NEK11: variants seen among roughly 807,000 people sequenced by gnomAD.
The protein encoded by NEK11 is serine/threonine-protein kinase Nek11.
NEK11 carries 72 observed loss-of-function variants against 80.7 expected under a neutral mutation model. That is an observed-to-expected ratio of 0.89 (90% CI 0.74 to 1.08). The LOEUF (loss-of-function observed/expected upper bound fraction) is 1.08. NEK11 is among the 50% of genes least tolerant of loss of function. The pLI, the probability that NEK11 is intolerant of heterozygous loss-of-function variation, is 0.00. For missense variants in NEK11, 764 were observed against 763.6 expected (o/e 1.00, Z -0.01); for synonymous variants, 251 against 260.7 (o/e 0.96, Z 0.36).
At chr3:131,080,699 A>G in intron 4 of NEK11, 111 bp downstream of exon 4, 3 of 883,470 alleles carry the variant, frequency 3.4e-6, no homozygotes, top group Non-Finnish European at 5.0e-6. Context: ...ATTGAACTGT[A>G]AAGACCTGGG....
At chr3:131,108,246 A>C (rs2079507249) in intron 4 of NEK11, among the ~76,000 whole-genome samples, 1 of 152,148 alleles carries the variant, frequency 6.6e-6, no homozygotes, top group Non-Finnish European at 1.5e-5. Flanking sequence ...AGTTGACCTC[A>C]TATTGTTTCA....
At chr3:131,072,476 TG>T (rs1188353580) in intron 3 of NEK11, 1 of 152,082 alleles carries the variant, frequency 6.6e-6, no homozygotes, top group Non-Finnish European at 1.5e-5. Flanking sequence ...GATGACTGTG[TG>T]GGGTAGGCAG....
chr3:131,311,115 CA>C (rs1263393073), intron 17 of NEK11, among the ~76,000 whole-genome samples: 1 of 151,712 alleles, frequency 6.6e-6, no homozygotes, highest in Non-Finnish European at 1.5e-5. Context: ...CACTTTTTTT[CA>C]AAAAGTTTTT....
intron 17 of NEK11, among the ~76,000 whole-genome samples, chr3:131,285,981 G>A (rs1314849635): frequency 2.0e-5 from 3 of 152,172 alleles, no homozygotes; most frequent in African/African-American, 7.2e-5. Context: ...CAGAGCCTCA[G>A]TTTCTTCACC....
intron 4 of NEK11, among the ~76,000 whole-genome samples, chr3:131,101,084 T>A (rs1311347974): frequency 6.6e-6 from 1 of 152,168 alleles, no homozygotes; most frequent in Non-Finnish European, 1.5e-5. Context: ...GGTTGTAATA[T>A]CATCTTTGTC....
intron 15 of NEK11, among the ~76,000 whole-genome samples, chr3:131,230,136 C>T (rs931823889): frequency 7.0e-6 from 1 of 142,942 alleles, no homozygotes; most frequent in African/African-American, 2.6e-5. Flanking sequence ...AAGCATCAAG[C>T]GGTAAAATTT....
intron 14 of NEK11, among the ~76,000 whole-genome samples, chr3:131,180,145 A>C (rs2093267921): frequency 6.6e-6 from 1 of 152,170 alleles, no homozygotes; most frequent in Non-Finnish European, 1.5e-5. Flanking sequence ...ACACCCACAC[A>C]TAAATTCTTC....
chr3:131,164,936 G>A (rs1031987603), intron 11 of NEK11, among the ~76,000 whole-genome samples: 2 of 152,150 alleles, frequency 1.3e-5, no homozygotes, highest in African/African-American at 2.4e-5. Flanking sequence ...GTAGCAGGTC[G>A]CTTAAACTCA....
intron 14 of NEK11, among the ~76,000 whole-genome samples, chr3:131,181,621 C>T (rs1404366507): frequency 6.6e-6 from 1 of 151,802 alleles, no homozygotes; most frequent in Non-Finnish European, 1.5e-5. Flanking sequence ...TGGCGGGCGC[C>T]TGTAGTCCCA....
intron 4 of NEK11, among the ~76,000 whole-genome samples, chr3:131,083,991 C>T (rs1279889682): frequency 6.6e-6 from 1 of 152,148 alleles, no homozygotes; most frequent in African/African-American, 2.4e-5. Flanking sequence ...AATGCCCTTC[C>T]TCCTAGTCCC....
rs754350317 is a variant in NEK11, at chr3:131,152,480, G to A, written c.740G>A (p.Gly247Asp). ...TCCATTGTTTTAAAAATTGTTGAAG[G>A]TGACACACCTTCTCTCCCTGAGAGA... is the stretch of plus-strand genomic sequence containing the variant. ...FLSIVLKIVEGDTPSLPERYP... is the reference protein window; with the variant it reads ...FLSIVLKIVEDDTPSLPERYP... Residue 247 changes from glycine (G) to aspartate (D), a missense_variant, in exon 8 of 18, where the codon GGT becomes GAT. Transcript: ENST00000383366. 2.2e-5 allele frequency: 35 copies of A among 1,613,890 alleles called. No homozygotes were observed. The East Asian group carries it at 7.1e-4, about 33-fold the overall frequency.
chr3:131,115,926 CTT>C (rs1192715070), intron 5 of NEK11, among the ~76,000 whole-genome samples: 1 of 105,666 alleles, frequency 9.5e-6, no homozygotes, highest in South Asian at 3.3e-4. Flanking sequence ...TTCTTTCTTT[CTT>C]TCTTTCTTTC....
chr3:131,336,859 T>A (rs1188382795), intron 17 of NEK11, among the ~76,000 whole-genome samples: 2 of 152,036 alleles, frequency 1.3e-5, no homozygotes, highest in Non-Finnish European at 2.9e-5. Context: ...AAGACACATG[T>A]AAAAATGCTC....
intron 17 of NEK11, among the ~76,000 whole-genome samples, chr3:131,333,340 A>G (rs1305709347): frequency 6.6e-6 from 1 of 152,240 alleles, no homozygotes; most frequent in Non-Finnish European, 1.5e-5. Context: ...AGAATTTTCA[A>G]CCCAGAATTT....
intron 6 of NEK11, chr3:131,133,263 TCTC>T: frequency 8.8e-6 from 4 of 455,670 alleles, no homozygotes; most frequent in South Asian, 6.2e-5. Context: ...GAACTGTACC[TCTC>T]CTCATAACAG....
rs551640663 is a variant in NEK11, at chr3:131,045,686, A to G, written c.170+15808A>G. Among the ~76,000 whole-genome samples, 6 of 152,150 alleles carry G rather than the reference A, an allele frequency of 3.9e-5. No individual in the cohort carries two copies. In the East Asian group the frequency reaches 5.8e-4, roughly 15 times the overall value. On this transcript the variant is annotated intron_variant, in intron 3 of 17. Coordinates refer to ENST00000383366, the MANE Select transcript of NEK11 (RefSeq NM_024800.5). ...AACTTTTTATCTTGCTGACCTGTCT[A>G]TTGCTGTCAGTGGAGTGTTGAAGTC... is the stretch of plus-strand genomic sequence containing the variant.
intron 4 of NEK11, among the ~76,000 whole-genome samples, chr3:131,095,987 T>G (rs1397133820): frequency 1.3e-5 from 2 of 152,204 alleles, no homozygotes; most frequent in Non-Finnish European, 2.9e-5. Context: ...CTTAGCTTTT[T>G]AAATAGAGAG....
In NEK11 at chr3:131,031,964, GTT is replaced by G. The variant is rs71620101; in HGVS notation, c.170+2100_170+2101del. On this transcript the variant is annotated intron_variant, in intron 3 of 17. Coordinates refer to ENST00000383366, the MANE Select transcript of NEK11 (RefSeq NM_024800.5). ...GTGTTTCTTTTTAGTAAATTAATCA[GTT>G]TTTTTTTTTTTTTGAGGCGGAGTCT... Among the ~76,000 whole-genome samples, 91 of 135,012 alleles carry G rather than the reference GTT, an allele frequency of 6.7e-4. 1 individual carries two copies. The highest frequency in any genetic ancestry group is 1.7e-3 in the African/African-American group (65 of 38,486). The allele number at this position is 135,012 out of a possible 152,430, so 88.6% of individuals were successfully genotyped here.
chr3:131,118,998 C>T (rs543674741), intron 5 of NEK11, among the ~76,000 whole-genome samples: 55 of 152,106 alleles, frequency 3.6e-4, no homozygotes, highest in South Asian at 2.9e-3. Flanking sequence ...TTAGTTATTT[C>T]CTGCCTTCTG....
Sources: allele counts gnomAD v4.1 joint callset (sites outside exome capture counted in the v4.1 genomes callset), GRCh38; gene constraint gnomAD v4.1.1; transcripts MANE v1.5; gene names NCBI Gene and HGNC (gene_info 2026-07-23, HGNC 2026-07-21).